Variants in ASTN2 observed in about 807,000 individuals in gnomAD.
ASTN2 encodes astrotactin 2, also known as astrotactin-2.
A neutral mutation model predicts 139.8 loss-of-function variants in ASTN2; 54 were observed. The ratio of observed to expected loss-of-function variants is 0.39; its 90% confidence interval spans 0.31 to 0.48. The LOEUF (loss-of-function observed/expected upper bound fraction) is 0.48, where lower values mean the gene tolerates loss of function less well. Ranked by LOEUF, ASTN2 falls within the 20% of genes least tolerant of loss-of-function variation. The probability of loss-of-function intolerance (pLI) is 0.95; values close to 1 mark genes in which losing one functional copy is unlikely to be tolerated. For missense variants in ASTN2, 1,565 were observed against 1,725.1 expected (o/e 0.91, Z 1.64); for synonymous variants, 756 against 719.5 (o/e 1.05, Z -0.81).
In ASTN2 at chr9:116,477,568, C is replaced by T. The variant is rs144689662; in HGVS notation, c.3497+9791G>A. On this transcript the variant is annotated intron_variant, in intron 20 of 22. Coordinates refer to ENST00000313400, the MANE Select transcript of ASTN2 (RefSeq NM_001365068.1). ...AGGCTGGTGTGGGCTGTTTGGGTGT[C>T]GGAGGAGGAAAGTGGAGAGAAAAAT... 2.7e-5 allele frequency among the ~76,000 whole-genome samples: 4 copies of T among 149,470 alleles called. No individual in the cohort carries two copies. In the Admixed American group the frequency reaches 2.7e-4, roughly 10 times the overall value.
At chr9:116,555,134 G>A (rs1852542546) in intron 19 of ASTN2, among the ~76,000 whole-genome samples, 1 of 152,160 alleles carries the variant, frequency 6.6e-6, no homozygotes, top group Non-Finnish European at 1.5e-5. Flanking sequence ...ATTGGTGCTT[G>A]TAAGAGAGAA....
At chr9:117,410,799 G>A (rs2130980673) in intron 1 of ASTN2, among the ~76,000 whole-genome samples, 1 of 152,190 alleles carries the variant, frequency 6.6e-6, no homozygotes, top group Non-Finnish European at 1.5e-5. Context: ...ATCACTCATT[G>A]GCACCAATAA....
chr9:117,214,581 C>T lies in ASTN2; in HGVS notation c.792G>A (p.Ala264=), dbSNP rs140932552. Residue 264 remains alanine, a synonymous_variant, in exon 3 of 23, where the codon GCG becomes GCA. Coordinates refer to ENST00000313400, the MANE Select transcript of ASTN2 (RefSeq NM_001365068.1). ...YIPSVLLGPQ[A]RESFRSSRLQ... ...GCCGGGATGAACGGAAGCTCTCCCG[C>T]GCCTGGGGACCCAGCAGCACAGATG... is the stretch of plus-strand genomic sequence containing the variant. The T allele has an allele frequency of 6.8e-6, 11 of 1,608,278 alleles. No individual in the cohort carries two copies. The African/African-American group carries it at 8.0e-5, about 12-fold the overall frequency.
In ASTN2 at chr9:117,008,104, C is replaced by T. The variant is rs976057171; in HGVS notation, c.1579G>A (p.Asp527Asn). ...RTTDACEQLC[D>N]PETGECSCHE... ...TCCCATGGCTCACCGGTTTCTGGGT[C>T]GCAGAGCTGCTCACAGGCATCTGTC... is the stretch of plus-strand genomic sequence containing the variant. Residue 527 changes from aspartate (D) to asparagine (N), a missense_variant, in exon 7 of 23, where the codon GAC becomes AAC. Asp to Asn is a conservative substitution (Grantham distance 23). Coordinates refer to ENST00000313400, the MANE Select transcript of ASTN2 (RefSeq NM_001365068.1). 13 of 1,593,692 alleles carry T rather than the reference C, an allele frequency of 8.2e-6. No individual in the cohort carries two copies. Among genetic ancestry groups the T allele is most frequent in the Admixed American group, 5.2e-5 (3 of 57,372 alleles).
chr9:117,221,155 T>C (rs979956075), intron 2 of ASTN2, among the ~76,000 whole-genome samples: 3 of 152,224 alleles, frequency 2.0e-5, no homozygotes, highest in African/African-American at 7.2e-5. Context: ...ACAAGGCACC[T>C]GACCAAACCT....
At chr9:116,766,455 TACTC>T (rs1213942897) in intron 13 of ASTN2, among the ~76,000 whole-genome samples, 5 of 151,250 alleles carry the variant, frequency 3.3e-5, no homozygotes, top group South Asian at 4.2e-4. Flanking sequence ...CACACATTCA[TACTC>T]ACACAAACTC....
chr9:116,504,689 T>C (rs1051355754), intron 19 of ASTN2, among the ~76,000 whole-genome samples: 1 of 151,976 alleles, frequency 6.6e-6, no homozygotes, highest in Non-Finnish European at 1.5e-5. Context: ...TTCAGCTTAA[T>C]AACAATATGC....
intron 5 of ASTN2, among the ~76,000 whole-genome samples, chr9:117,058,395 C>T (rs1302473138): frequency 6.6e-6 from 1 of 151,982 alleles, no homozygotes; most frequent in Non-Finnish European, 1.5e-5. Context: ...TATTTAAGCA[C>T]TTACTCTGCC....
chr9:116,564,197 T>G (rs550910430), intron 19 of ASTN2, among the ~76,000 whole-genome samples: 1 of 152,330 alleles, frequency 6.6e-6, no homozygotes, highest in East Asian at 1.9e-4. Context: ...CCTGATTAAC[T>G]TTTAGTGATC....
chr9:117,177,930 T>C (rs1830958898), intron 3 of ASTN2, among the ~76,000 whole-genome samples: 1 of 152,156 alleles, frequency 6.6e-6, no homozygotes, highest in African/African-American at 2.4e-5. Context: ...GGCTTCACAC[T>C]TAGAGGAGAA....
rs1030089327 is a variant in ASTN2, at chr9:117,117,131, A to C, written c.1169-20980T>G. On this transcript the variant is annotated intron_variant, in intron 4 of 22. Transcript: ENST00000313400. ...CAGCAGTCAAGAAATCAGGCAAGTG[A>C]AAAACAGAGAGGGGCTCATCTTTGG... is the stretch of plus-strand genomic sequence containing the variant. Among the ~76,000 whole-genome samples, 7 of 152,234 alleles carry C rather than the reference A, an allele frequency of 4.6e-5. No homozygotes were observed. In the South Asian group the frequency reaches 1.5e-3, roughly 32 times the overall value.
At position 116,863,568 on chromosome 9, in the gene ASTN2, C is replaced by A; in HGVS notation, c.2040+15G>T. The A allele has an allele frequency of 6.2e-7, 1 of 1,612,508 alleles. No individual in the cohort carries two copies. Among genetic ancestry groups the A allele is most frequent in the Non-Finnish European group, 8.5e-7 (1 of 1,178,952 alleles). ...CCTGGGCCACTGCCATGTTCCCGGGCCAATGGGCACTTACCACACATCCCG... is the reference window on the plus strand; with the variant it reads ...CCTGGGCCACTGCCATGTTCCCGGGACAATGGGCACTTACCACACATCCCG... On this transcript the variant is annotated intron_variant, in intron 11 of 22. Coordinates refer to ENST00000313400, the MANE Select transcript of ASTN2 (RefSeq NM_001365068.1).
At chr9:117,122,248 G>A (rs1829576364) in intron 4 of ASTN2, among the ~76,000 whole-genome samples, 1 of 152,214 alleles carries the variant, frequency 6.6e-6, no homozygotes, top group African/African-American at 2.4e-5. Context: ...TCTAGCAGAA[G>A]TCATGAGCTG....
intron 19 of ASTN2, among the ~76,000 whole-genome samples, chr9:116,509,477 A>G (rs1850268726): frequency 6.6e-6 from 1 of 152,166 alleles, no homozygotes; most frequent in Non-Finnish European, 1.5e-5. Flanking sequence ...ATATGTGTGC[A>G]TGTGTCTTTA....
At chr9:116,918,010 T>G (rs1056406469) in intron 10 of ASTN2, among the ~76,000 whole-genome samples, 4 of 152,236 alleles carry the variant, frequency 2.6e-5, no homozygotes, top group African/African-American at 9.6e-5. Context: ...AGTGAATAAG[T>G]CTCACGAGAT....
chr9:117,355,777 G>A (rs1436923496), intron 1 of ASTN2, among the ~76,000 whole-genome samples: 1 of 152,176 alleles, frequency 6.6e-6, no homozygotes, highest in African/African-American at 2.4e-5. Flanking sequence ...CTGAGCATCT[G>A]GAATTGGAAA....
chr9:116,619,488 T>C (rs976948990), intron 18 of ASTN2, among the ~76,000 whole-genome samples: 1 of 151,976 alleles, frequency 6.6e-6, no homozygotes, highest in African/African-American at 2.4e-5. Context: ...TTCTCCCTAA[T>C]AGCACTTCTT....
chr9:116,679,943 C>T (rs1393082573), intron 16 of ASTN2, among the ~76,000 whole-genome samples: 1 of 152,080 alleles, frequency 6.6e-6, no homozygotes, highest in Non-Finnish European at 1.5e-5. Flanking sequence ...AATTGACACC[C>T]TAACATCACA....
chr9:116,905,366 G>A (rs1340859892), intron 10 of ASTN2, among the ~76,000 whole-genome samples: 7 of 152,136 alleles, frequency 4.6e-5, no homozygotes, highest in Non-Finnish European at 8.8e-5. Context: ...GGAGACGAAG[G>A]GCCTGACGAA....
Sources: gnomAD v4.1 joint callset for allele counts (sites outside exome capture counted in the v4.1 genomes callset) on GRCh38, gnomAD v4.1.1 for gene constraint, MANE v1.5 for transcripts, NCBI Gene and HGNC (gene_info 2026-07-23, HGNC 2026-07-21) for gene names.